RHBDD1: variants seen among roughly 807,000 people sequenced by gnomAD.
RHBDD1 encodes the protein rhomboid-related protein 4.
In RHBDD1, 38 loss-of-function variants were observed where a neutral mutation model predicts 36.3. That is an observed-to-expected ratio of 1.05 (90% CI 0.81 to 1.37). The LOEUF (loss-of-function observed/expected upper bound fraction) is 1.37, where lower values mean the gene tolerates loss of function less well. Ranked by LOEUF, RHBDD1 falls within the 40% of genes most tolerant of loss-of-function variation. The pLI, the probability that RHBDD1 is intolerant of heterozygous loss-of-function variation, is 0.00. For missense variants in RHBDD1, 393 were observed against 377.6 expected, an observed-to-expected ratio of 1.04 and a Z score of -0.34; for synonymous variants, 151 against 136.5, an observed-to-expected ratio of 1.11 and a Z score of -0.74.
At chr2:226,929,653 G>A (rs1424950450) in intron 8 of RHBDD1, among the ~76,000 whole-genome samples, 1 of 152,030 alleles carries the variant, frequency 6.6e-6, no homozygotes, top group Non-Finnish European at 1.5e-5. Context: ...CCTAGCTAGA[G>A]CAGTCAGGCA....
At chr2:226,932,469 T>A (rs1950083686) in intron 8 of RHBDD1, among the ~76,000 whole-genome samples, 1 of 152,136 alleles carries the variant, frequency 6.6e-6, no homozygotes, top group African/African-American at 2.4e-5. Flanking sequence ...ATAGTTACTC[T>A]GGACACATCA....
At chr2:226,828,952 G>A in the RHBDD1 span, among the ~76,000 whole-genome samples, 6 of 152,060 alleles carry the variant, frequency 3.9e-5, no homozygotes, top group East Asian at 3.9e-4. Context: ...CCTGTCATAT[G>A]TAGAAGTCTT....
Position 226,908,832 on chromosome 2 carries a change from C to T in RHBDD1, c.666C>T (p.Ser222=). 1 of 1,606,922 alleles carries T rather than the reference C, an allele frequency of 6.2e-7. No individual in the cohort carries two copies. Among genetic ancestry groups the T allele is most frequent in the Non-Finnish European group, 8.5e-7 (1 of 1,173,494 alleles). Residue 222 remains serine, a synonymous_variant, in exon 7 of 9, where the codon TCC becomes TCT. Coordinates refer to ENST00000392062, the MANE Select transcript of RHBDD1 (RefSeq NM_001167608.3). ...TTCTTTTACGTTTAGGCGGTTTTTC[C>T]TCCAGTGTTGGTTACCCAGGACGGC... ...KIMEACAGGF[S]SSVGYPGRQY...
At position 226,864,917 on chromosome 2, in the gene RHBDD1, A is replaced by T. The variant is rs754131553; in HGVS notation, c.224A>T (p.His75Leu). 6.2e-7 allele frequency: 1 copy of T among 1,614,204 alleles called. No homozygotes were observed. Among genetic ancestry groups the T allele is most frequent in the South Asian group, 1.1e-5 (1 of 91,088 alleles). ...CGTTTACTGCTCTCTCCCCTTCACC[A>T]TGCTGATGATTGGCATTTGTATTTC... is the stretch of plus-strand genomic sequence containing the variant. ...WQRLLLSPLH[H>L]ADDWHLYFNM... is the part of the protein sequence containing the mutation. Residue 75 changes from histidine to leucine, a missense_variant, in exon 4 of 9, where the codon CAT (histidine) becomes CTT (leucine). Coordinates refer to ENST00000392062, the MANE Select transcript of RHBDD1 (RefSeq NM_001167608.3).
intron 5 of RHBDD1, among the ~76,000 whole-genome samples, chr2:226,868,446 T>TA (rs1944517663): frequency 6.6e-6 from 1 of 152,208 alleles, no homozygotes; most frequent in Non-Finnish European, 1.5e-5. Flanking sequence ...AAAAGGAAGA[T>TA]AAGTTGTGTT....
intron 8 of RHBDD1, among the ~76,000 whole-genome samples, chr2:226,966,633 T>G (rs1575286135): frequency 6.6e-6 from 1 of 152,234 alleles, no homozygotes; most frequent in South Asian, 2.1e-4. Context: ...TTAATTCATA[T>G]AAATTTAAAT....
intron 8 of RHBDD1, among the ~76,000 whole-genome samples, chr2:226,948,490 C>G (rs947803349): frequency 1.4e-5 from 2 of 143,986 alleles, no homozygotes; most frequent in Non-Finnish European, 3.0e-5. Context: ...GTGGGTGCAG[C>G]GCACCAGCAT....
intron 8 of RHBDD1, among the ~76,000 whole-genome samples, chr2:226,948,739 A>T (rs1951203916): frequency 6.6e-6 from 1 of 152,122 alleles, no homozygotes; most frequent in South Asian, 2.1e-4. Flanking sequence ...ACACAAGACA[A>T]GGTTGCCCTC....
the RHBDD1 span, among the ~76,000 whole-genome samples, chr2:226,829,014 TTA>T: frequency 1.3e-5 from 2 of 152,188 alleles, no homozygotes; most frequent in African/African-American, 4.8e-5. Context: ...TCTAGAAATT[TTA>T]TAGTTTTAGC....
At chr2:226,982,998 A>G (rs1297446312) in intron 8 of RHBDD1, among the ~76,000 whole-genome samples, 1 of 152,254 alleles carries the variant, frequency 6.6e-6, no homozygotes, top group Admixed American at 6.5e-5. Flanking sequence ...AGCATAACCT[A>G]GGAAACTACC....
intron 8 of RHBDD1, among the ~76,000 whole-genome samples, chr2:226,926,311 A>G (rs913437184): frequency 6.6e-6 from 1 of 152,070 alleles, no homozygotes; most frequent in African/African-American, 2.4e-5. Flanking sequence ...TTCCCTAGTA[A>G]CACCTACCAT....
intron 3 of RHBDD1, among the ~76,000 whole-genome samples, chr2:226,853,956 G>A (rs1559195636): frequency 6.6e-6 from 1 of 150,758 alleles, no homozygotes; most frequent in African/African-American, 2.5e-5. Context: ...GGGTAGACCC[G>A]CTAATCGATA....
In RHBDD1 at chr2:226,906,869, G is replaced by T. The variant is rs775149068; in HGVS notation, c.643G>T (p.Glu215Ter). 6.2e-7 allele frequency: 1 copy of T among 1,614,138 alleles called. No homozygotes were observed. Among genetic ancestry groups the T allele is most frequent in the East Asian group, 2.2e-5 (1 of 44,872 alleles). ...YTQGPLKKIM[E>*]ACAGGFSSSV... is the part of the protein sequence containing the mutation. ...TCAAGGGCCTCTGAAGAAAATCATG[G>T]AAGCATGTGCAGGTACAGAATAAAA... Residue 215 changes from glutamate to a stop codon, truncating the protein, a stop_gained, in exon 6 of 9, where the codon GAA (glutamate) becomes TAA (stop). Coordinates refer to ENST00000392062, the MANE Select transcript of RHBDD1 (RefSeq NM_001167608.3). LOFTEE classifies it high-confidence loss of function.
chr2:226,946,244 A>G (rs1373749494), intron 8 of RHBDD1, among the ~76,000 whole-genome samples: 1 of 152,048 alleles, frequency 6.6e-6, no homozygotes, highest in East Asian at 1.9e-4. Flanking sequence ...TCTGAATGGT[A>G]TTGCCTAGAT....
intron 2 of RHBDD1, among the ~76,000 whole-genome samples, chr2:226,839,106 A>G (rs943480092): frequency 6.6e-6 from 1 of 152,214 alleles, no homozygotes; most frequent in Admixed American, 6.5e-5. Flanking sequence ...ATTTTTTAAT[A>G]AGGGATAACA....
intron 3 of RHBDD1, among the ~76,000 whole-genome samples, chr2:226,843,852 G>T (rs1439673417): frequency 6.6e-6 from 1 of 152,154 alleles, no homozygotes; most frequent in Non-Finnish European, 1.5e-5. Flanking sequence ...AATGATACCT[G>T]CTCTTCTTTG....
chr2:226,922,361 C>T (rs1162854517), intron 8 of RHBDD1, among the ~76,000 whole-genome samples: 3 of 151,772 alleles, frequency 2.0e-5, no homozygotes, highest in Non-Finnish European at 4.4e-5. Flanking sequence ...GTGCCTGCTG[C>T]CACGCCCGGC....
At chr2:226,875,490 T>G (rs1276350442) in intron 5 of RHBDD1, among the ~76,000 whole-genome samples, 2 of 152,152 alleles carry the variant, frequency 1.3e-5, no homozygotes, top group Non-Finnish European at 2.9e-5. Flanking sequence ...ACTATTTCCG[T>G]ACCCATCGAG....
intron 5 of RHBDD1, among the ~76,000 whole-genome samples, chr2:226,904,348 G>A (rs542443428): frequency 1.4e-4 from 20 of 144,596 alleles, no homozygotes; most frequent in African/African-American, 2.8e-4. Context: ...TCCCCTTCCC[G>A]TAAGGGGTTT....
Sources: allele counts gnomAD v4.1 joint callset (sites outside exome capture counted in the v4.1 genomes callset), GRCh38; gene constraint gnomAD v4.1.1; transcripts MANE v1.5; gene names NCBI Gene and HGNC (gene_info 2026-07-23, HGNC 2026-07-21).